Variants in NFIB observed in about 807,000 individuals in gnomAD.
NFIB encodes the protein nuclear factor 1 B-type.
In NFIB, 11 loss-of-function variants were observed where a neutral mutation model predicts 61.5. That is an observed-to-expected ratio of 0.18 (90% CI 0.11 to 0.30). The LOEUF is 0.30. NFIB is among the 10% of genes least tolerant of loss of function. The pLI is 1.00. For synonymous variants in NFIB, 260 were observed against 216.5 expected (o/e 1.20, Z -1.76); for missense variants, 471 against 608.9 (o/e 0.77, Z 2.38).
At chr9:14,449,727 T>C in the NFIB span, among the ~76,000 whole-genome samples, 6 of 151,868 alleles carry the variant, frequency 4.0e-5, no homozygotes, top group East Asian at 1.2e-3. Flanking sequence ...GTCAGGAGTT[T>C]GAGACCAGCC....
At chr9:14,433,591 T>C in the NFIB span, among the ~76,000 whole-genome samples, 1 of 152,106 alleles carries the variant, frequency 6.6e-6, no homozygotes, top group Non-Finnish European at 1.5e-5. Flanking sequence ...TAATTCAGGG[T>C]TGTTATTACT....
the NFIB span, among the ~76,000 whole-genome samples, chr9:14,527,227 T>G: frequency 1.3e-5 from 2 of 152,168 alleles, no homozygotes; most frequent in African/African-American, 4.8e-5. Flanking sequence ...GTGACAAAAT[T>G]TGATATATTA....
chr9:14,398,637 G>A lies in NFIB; in HGVS notation c.-6C>T, dbSNP rs545640255. ...GACACTGGGATTCTTTCCATACTCC[G>A]AACGGATTCCCGACAAGAAGCCTGT... On this transcript the variant is annotated 5_prime_UTR_variant, in exon 1 of 9. Transcript: ENST00000380934. 2.1e-5 allele frequency: 32 copies of A among 1,521,246 alleles called. No homozygotes were observed. The African/African-American group carries it at 3.7e-4, about 18-fold the overall frequency. The allele number at this position is 1,521,246 out of a possible 1,614,324, so 94.2% of individuals were successfully genotyped here. A position where few individuals can be genotyped will look rare whatever the true frequency, so the allele number is the denominator to read the frequency against.
At chr9:14,248,615 G>C (rs961143228) in intron 2 of NFIB, among the ~76,000 whole-genome samples, 3 of 152,108 alleles carry the variant, frequency 2.0e-5, no homozygotes, top group African/African-American at 7.2e-5. Context: ...CCTCTGGGAA[G>C]CCACTCTTCC....
At chr9:14,517,556 G>A in the NFIB span, among the ~76,000 whole-genome samples, 5 of 152,080 alleles carry the variant, frequency 3.3e-5, no homozygotes, top group Non-Finnish European at 7.4e-5. Context: ...ATCTACGTCT[G>A]TGAAGTTTCA....
intron 2 of NFIB, among the ~76,000 whole-genome samples, chr9:14,277,149 T>C (rs2058056606): frequency 6.6e-6 from 1 of 152,216 alleles, no homozygotes; most frequent in Admixed American, 6.5e-5. Context: ...TTTTACTTAC[T>C]CATCTTTAAA....
upstream of NFIB, among the ~76,000 whole-genome samples, chr9:14,315,436 G>C (rs1041213616): frequency 6.7e-6 from 1 of 149,564 alleles, no homozygotes. Context: ...CAGCCCCGCT[G>C]GCTGGCTCCC....
intron 2 of NFIB, among the ~76,000 whole-genome samples, chr9:14,268,710 A>G (rs1190354991): frequency 6.6e-6 from 1 of 152,178 alleles, no homozygotes; most frequent in Non-Finnish European, 1.5e-5. Context: ...TTAGGTGCTT[A>G]GTTTTATGTT....
intron 2 of NFIB, among the ~76,000 whole-genome samples, chr9:14,239,630 A>C (rs1245810606): frequency 1.3e-5 from 2 of 152,182 alleles, no homozygotes; most frequent in African/African-American, 2.4e-5. Flanking sequence ...TAAACATATA[A>C]ATCCAAATAT....
chr9:14,175,167 C>CTTTTTTT (rs55765054), intron 3 of NFIB, among the ~76,000 whole-genome samples: 2,796 of 125,768 alleles, frequency 0.022, 282 homozygotes, highest in African/African-American at 0.084. Flanking sequence ...TAAAGAATTT[C>CTTTTTTT]TTTTTTTTTT....
In NFIB at chr9:14,345,008, G is replaced by T. The variant is rs571694409; in HGVS notation, c.109-37488C>A. Among the ~76,000 whole-genome samples the T allele has an allele frequency of 2.6e-5, 4 of 152,056 alleles. No individual in the cohort carries two copies. In the South Asian group the frequency reaches 8.3e-4, roughly 32 times the overall value. On this transcript the variant is annotated intron_variant, in intron 1 of 8. Transcript: ENST00000380934. ...CAGCTTCCACCTTCGGCCCTTCCCA[G>T]CATCCATCCTAGAGAATAAAAAGCC...
the NFIB span, among the ~76,000 whole-genome samples, chr9:14,420,984 T>C: frequency 1.3e-5 from 2 of 151,894 alleles, no homozygotes; most frequent in Non-Finnish European, 2.9e-5. Flanking sequence ...TTAGTCTTAG[T>C]TAATTATAAG....
chr9:14,285,879 C>G (rs1335664279), intron 2 of NFIB, among the ~76,000 whole-genome samples: 2 of 151,412 alleles, frequency 1.3e-5, no homozygotes, highest in Non-Finnish European at 2.9e-5. Flanking sequence ...GGTATTATCT[C>G]CATTTTACAC....
At chr9:14,480,535 G>C in the NFIB span, among the ~76,000 whole-genome samples, 1 of 152,120 alleles carries the variant, frequency 6.6e-6, no homozygotes, top group Non-Finnish European at 1.5e-5. Context: ...GCCTTCCTGG[G>C]TCTATTTGTA....
the NFIB span, among the ~76,000 whole-genome samples, chr9:14,467,245 A>G: frequency 6.6e-6 from 1 of 152,122 alleles, no homozygotes. Context: ...TGCTAAAGAG[A>G]ACTGGCTTCA....
At chr9:14,288,237 T>G (rs181335552) in intron 2 of NFIB, among the ~76,000 whole-genome samples, 1 of 152,060 alleles carries the variant, frequency 6.6e-6, no homozygotes, top group African/African-American at 2.4e-5. Context: ...AAAGATACTT[T>G]ACGAAACATT....
chr9:14,461,669 G>C, the NFIB span, among the ~76,000 whole-genome samples: 2 of 152,148 alleles, frequency 1.3e-5, no homozygotes, highest in Admixed American at 1.3e-4. Flanking sequence ...TTTTATGTAT[G>C]GTAAGAATCC....
chr9:14,116,145 T>C, intron 9 of NFIB, 63 bp downstream of exon 9: 3 of 1,412,486 alleles, frequency 2.1e-6, no homozygotes, highest in Non-Finnish European at 2.8e-6. Context: ...ATGGTGCCTC[T>C]GATGGACATT....
chr9:14,334,983 T>C (rs976021922), intron 1 of NFIB, among the ~76,000 whole-genome samples: 4 of 152,268 alleles, frequency 2.6e-5, no homozygotes, highest in Non-Finnish European at 5.9e-5. Context: ...CATAATTATT[T>C]TGATATTCAT....
Sources: allele counts gnomAD v4.1 joint callset (sites outside exome capture counted in the v4.1 genomes callset), GRCh38; gene constraint gnomAD v4.1.1; transcripts MANE v1.5; gene names NCBI Gene and HGNC (gene_info 2026-07-23, HGNC 2026-07-21).